AFF3: variants seen among roughly 807,000 people sequenced by gnomAD.
AFF3 encodes AF4/FMR2 family member 3.
AFF3 carries 32 observed loss-of-function variants against 129.7 expected under a neutral mutation model. The ratio of observed to expected loss-of-function variants is 0.25; its 90% CI spans 0.19 to 0.33. The LOEUF (loss-of-function observed/expected upper bound fraction) is 0.33. AFF3 is among the 10% of genes least tolerant of loss of function. The pLI, the probability that AFF3 is intolerant of heterozygous loss-of-function variation, is 1.00. For synonymous variants in AFF3, 644 were observed against 635.4 expected (o/e 1.01, Z -0.20); for missense variants, 1,373 against 1,592.0 (o/e 0.86, Z 2.34).
intron 11 of AFF3, among the ~76,000 whole-genome samples, chr2:99,696,839 T>A (rs548598310): frequency 6.6e-6 from 1 of 151,964 alleles, no homozygotes; most frequent in Admixed American, 6.5e-5. Flanking sequence ...AGAGATGGAG[T>A]CTTGCTATGT....
intron 11 of AFF3, among the ~76,000 whole-genome samples, chr2:99,692,721 G>C (rs947623402): frequency 6.6e-6 from 1 of 151,210 alleles, no homozygotes; most frequent in African/African-American, 2.4e-5. Context: ...AGGATATGTT[G>C]TCTTGGACTG....
At chr2:99,617,558 T>TTGTGCAA (rs1681561965) in intron 13 of AFF3, among the ~76,000 whole-genome samples, 1 of 152,222 alleles carries the variant, frequency 6.6e-6, no homozygotes, top group South Asian at 2.1e-4. Context: ...CTGATATACA[T>TTGTGCAA]TGTGCAATGT....
chr2:100,132,342 G>A (rs992916478), intron 1 of AFF3, among the ~76,000 whole-genome samples: 2 of 152,100 alleles, frequency 1.3e-5, no homozygotes, highest in Non-Finnish European at 1.5e-5. Flanking sequence ...CTATATCAAA[G>A]CATCATGCTA....
chr2:100,124,577 C>G (rs574521548), intron 2 of AFF3, among the ~76,000 whole-genome samples: 9 of 151,754 alleles, frequency 5.9e-5, no homozygotes, highest in African/African-American at 1.9e-4. Context: ...GGTTCCAATC[C>G]AGACCCCTGA....
rs1312097654 is a variant in AFF3 at position 99,546,864 on chromosome 2, T to C, written c.*4610A>G. Reference sequence around the variant, plus strand: ...AAAGCGGCATCCCAGGGCTACTGGTTGAACAGGAACCCTGTGGCCATTGAG... The same window carrying C: ...AAAGCGGCATCCCAGGGCTACTGGTCGAACAGGAACCCTGTGGCCATTGAG... On this transcript the variant is annotated 3_prime_UTR_variant, in exon 25 of 25. Coordinates refer to ENST00000672756, the MANE Select transcript of AFF3 (RefSeq NM_001386135.1). 1 of 219,122 alleles carries C rather than the reference T, an allele frequency of 4.6e-6. No homozygotes were observed. Among genetic ancestry groups the C allele is most frequent in the Admixed American group, 5.8e-5 (1 of 17,268 alleles). 13.6% of individuals were successfully genotyped at this position (219,122 alleles called of 1,614,324 possible).
intron 11 of AFF3, among the ~76,000 whole-genome samples, chr2:99,688,518 C>T (rs922091281): frequency 6.6e-6 from 1 of 152,224 alleles, no homozygotes; most frequent in African/African-American, 2.4e-5. Flanking sequence ...ACACCTTGGT[C>T]TCCTTGTCTT....
intron 7 of AFF3, among the ~76,000 whole-genome samples, chr2:99,943,322 T>G (rs1675239607): frequency 6.6e-6 from 1 of 152,220 alleles, no homozygotes; most frequent in African/African-American, 2.4e-5. Flanking sequence ...TCTGCAGTCC[T>G]AGGTACCCTC....
At chr2:99,739,649 C>T (rs946095843) in intron 10 of AFF3, among the ~76,000 whole-genome samples, 3 of 151,672 alleles carry the variant, frequency 2.0e-5, no homozygotes, top group African/African-American at 7.3e-5. Flanking sequence ...AAGTCATTTT[C>T]TGTTTATACA....
chr2:99,877,737 G>A (rs1389715868), intron 7 of AFF3, among the ~76,000 whole-genome samples: 8 of 152,184 alleles, frequency 5.3e-5, no homozygotes, highest in Non-Finnish European at 8.8e-5. Flanking sequence ...TTTGTTACTA[G>A]TATGAAGGTT....
intron 7 of AFF3, among the ~76,000 whole-genome samples, chr2:99,950,901 C>T (rs1676097494): frequency 1.3e-5 from 2 of 152,190 alleles, no homozygotes; most frequent in South Asian, 4.1e-4. Flanking sequence ...AATGAGACTA[C>T]ATATGTCTAC....
intron 7 of AFF3, among the ~76,000 whole-genome samples, chr2:99,869,618 C>A (rs778149479): frequency 1.3e-5 from 2 of 152,180 alleles, no homozygotes; most frequent in African/African-American, 2.4e-5. Context: ...CAGCCCAGTA[C>A]AGCCACTATT....
chr2:99,971,404 C>T (rs991928788), intron 7 of AFF3, among the ~76,000 whole-genome samples: 2 of 152,234 alleles, frequency 1.3e-5, no homozygotes, highest in African/African-American at 4.8e-5. Flanking sequence ...ATAGTTCCCA[C>T]TATGGCCAGG....
chr2:100,105,264 G>C (rs973235566), intron 3 of AFF3: 1 of 1,153,146 alleles, frequency 8.7e-7, no homozygotes, highest in African/African-American at 1.6e-5. Context: ...GGGTGGGTGC[G>C]GGGGAATTCC....
chr2:100,133,033 A>T (rs1194916354), intron 1 of AFF3, among the ~76,000 whole-genome samples: 2 of 150,850 alleles, frequency 1.3e-5, no homozygotes, highest in African/African-American at 4.9e-5. Flanking sequence ...GGCTCAAGTG[A>T]TCCTTCCACC....
Position 99,735,046 on chromosome 2 carries a change from G to A in AFF3, c.1040-7918C>T, listed in dbSNP as rs192716673. On this transcript the variant is annotated intron_variant, in intron 10 of 24. Transcript: ENST00000672756. ...AAATTACTGGGCCAATTGTTAAAACGGCTATAGGATTATTCAGGTTATATT... is the reference window on the plus strand; with the variant it reads ...AAATTACTGGGCCAATTGTTAAAACAGCTATAGGATTATTCAGGTTATATT... 7.2e-5 allele frequency among the ~76,000 whole-genome samples: 11 copies of A among 152,152 alleles called. No individual in the cohort carries two copies. The East Asian group carries it at 2.1e-3, about 29-fold the overall frequency.
intron 7 of AFF3, among the ~76,000 whole-genome samples, chr2:99,858,639 T>A (rs1690716428): frequency 6.6e-6 from 1 of 152,072 alleles, no homozygotes; most frequent in African/African-American, 2.4e-5. Context: ...CTTAGCAAAC[T>A]AACACAGGAA....
chr2:100,053,826 T>C (rs565528992), intron 4 of AFF3, among the ~76,000 whole-genome samples: 1 of 152,284 alleles, frequency 6.6e-6, no homozygotes, highest in East Asian at 1.9e-4. Context: ...GATTAAGTAG[T>C]ATTTGGGGCT....
intron 7 of AFF3, among the ~76,000 whole-genome samples, chr2:99,848,682 G>A (rs1314248957): frequency 2.0e-5 from 3 of 152,140 alleles, no homozygotes; most frequent in Admixed American, 6.5e-5. Context: ...ACCCATAAGA[G>A]CAGTCAAATT....
chr2:99,950,123 T>C (rs1410995261), intron 7 of AFF3, among the ~76,000 whole-genome samples: 4 of 152,172 alleles, frequency 2.6e-5, no homozygotes, highest in African/African-American at 9.7e-5. Context: ...AACAACACAC[T>C]ACTAACAAAG....
Sources: allele counts gnomAD v4.1 joint callset (sites outside exome capture counted in the v4.1 genomes callset), GRCh38; gene constraint gnomAD v4.1.1; transcripts MANE v1.5; gene names NCBI Gene and HGNC (gene_info 2026-07-23, HGNC 2026-07-21).